LRRC7: variants seen among roughly 807,000 people sequenced by gnomAD.
The protein encoded by LRRC7 is leucine rich repeat containing 7, also known as leucine-rich repeat-containing protein 7.
Under a neutral mutation model 175.7 loss-of-function variants are expected in LRRC7, and 23 were observed. The observed-to-expected ratio is 0.13, with a 90% CI of 0.09 to 0.19. LRRC7 has a LOEUF of 0.19. Ranked by LOEUF, LRRC7 falls within the 10% of genes least tolerant of loss-of-function variation. The pLI, the probability that LRRC7 is intolerant of heterozygous loss-of-function variation, is 1.00. For missense variants in LRRC7, 1,354 were observed against 1,904.7 expected (o/e 0.71, Z 5.38); for synonymous variants, 685 against 680.9 (o/e 1.01, Z -0.09).
chr1:69,878,222 C>T lies in LRRC7; in HGVS notation c.647+39939C>T, dbSNP rs577151522. Among the ~76,000 whole-genome samples the T allele has an allele frequency of 2.3e-4, 35 of 149,726 alleles. 1 individual carries two copies. In the East Asian group the frequency reaches 6.1e-3, roughly 26 times the overall value. On this transcript the variant is annotated intron_variant, in intron 7 of 26. Coordinates refer to ENST00000651989, the MANE Select transcript of LRRC7 (RefSeq NM_001370785.2). ...TTCTAGATACTACAGGTATCACAAG[C>T]TTCATTAGTTTCTTGGAGAAGTAAA...
At chr1:69,660,990 T>C (rs1157167415) in intron 1 of LRRC7, among the ~76,000 whole-genome samples, 3 of 151,958 alleles carry the variant, frequency 2.0e-5, no homozygotes, top group Non-Finnish European at 4.4e-5. Flanking sequence ...AATAACTTAT[T>C]TAGATATGCA....
intron 7 of LRRC7, among the ~76,000 whole-genome samples, chr1:69,855,633 C>G (rs1237442553): frequency 6.6e-6 from 1 of 152,018 alleles, no homozygotes; most frequent in African/African-American, 2.4e-5. Context: ...CTGTAGATGT[C>G]TATTAGGTCT....
chr1:69,678,553 C>T (rs1660087181), intron 2 of LRRC7, 75 bp downstream of exon 2: 1 of 979,386 alleles, frequency 1.0e-6, no homozygotes. Context: ...AAATGAGTGA[C>T]CTTTAAATGG....
intron 21 of LRRC7, among the ~76,000 whole-genome samples, chr1:70,043,673 T>C (rs576507827): frequency 1.3e-5 from 2 of 152,264 alleles, no homozygotes; most frequent in South Asian, 4.1e-4. Context: ...ACTATCACGA[T>C]GTATAAGAGA....
chr1:69,737,259 C>T (rs1400043860), intron 2 of LRRC7, among the ~76,000 whole-genome samples: 1 of 151,988 alleles, frequency 6.6e-6, no homozygotes, highest in African/African-American at 2.4e-5. Context: ...TGAATCATGC[C>T]AATGGGTTTT....
At chr1:70,048,282 G>A (rs2102052513) in intron 22 of LRRC7, among the ~76,000 whole-genome samples, 1 of 152,126 alleles carries the variant, frequency 6.6e-6, no homozygotes, top group African/African-American at 2.4e-5. Flanking sequence ...GTGCTATGAG[G>A]TACTTTAACT....
chr1:70,041,241 T>C (rs1659870224), intron 21 of LRRC7, among the ~76,000 whole-genome samples: 1 of 152,230 alleles, frequency 6.6e-6, no homozygotes, highest in Non-Finnish European at 1.5e-5. Flanking sequence ...GAATTTTACG[T>C]TTACAGGTTT....
intron 1 of LRRC7, among the ~76,000 whole-genome samples, chr1:69,623,929 G>T (rs1453908180): frequency 6.6e-6 from 1 of 152,032 alleles, no homozygotes; most frequent in East Asian, 1.9e-4. Context: ...TTGTTTCTTT[G>T]TTTTTGTAAT....
intron 1 of LRRC7, among the ~76,000 whole-genome samples, chr1:69,673,045 A>G (rs564744031): frequency 2.0e-5 from 3 of 152,328 alleles, no homozygotes; most frequent in Non-Finnish European, 4.4e-5. Context: ...AATGAATTCA[A>G]TGGACTTGTC....
chr1:70,099,423 G>A lies in LRRC7; in HGVS notation c.4546-8329G>A, dbSNP rs569991312. On this transcript the variant is annotated intron_variant, in intron 25 of 26. Coordinates refer to ENST00000651989, the MANE Select transcript of LRRC7 (RefSeq NM_001370785.2). ...TTGAAAACTGGCACAAGACAGGGAT[G>A]CCCTCTCTCACCACTCCTATTCAAC... 2.6e-4 allele frequency among the ~76,000 whole-genome samples: 37 copies of A among 144,758 alleles called. No homozygotes were observed. In the South Asian group the frequency reaches 4.2e-3, roughly 16 times the overall value. The allele number at this position is 144,758 out of a possible 152,430, so 95.0% of individuals were successfully genotyped here. A position where few individuals can be genotyped will look rare whatever the true frequency, so the allele number is the denominator to read the frequency against.
At chr1:69,947,064 T>C (rs188360311) in intron 8 of LRRC7, among the ~76,000 whole-genome samples, 1 of 152,056 alleles carries the variant, frequency 6.6e-6, no homozygotes, top group Admixed American at 6.6e-5. Context: ...GGCAAGATCA[T>C]GCCACTGCAC....
At chr1:69,707,961 C>A (rs1286331294) in intron 2 of LRRC7, among the ~76,000 whole-genome samples, 1 of 152,144 alleles carries the variant, frequency 6.6e-6, no homozygotes, top group Admixed American at 6.6e-5. Context: ...AGAGAGTACT[C>A]ATTTTGCAAA....
chr1:69,993,817 A>G (rs1240255232), intron 10 of LRRC7, among the ~76,000 whole-genome samples: 1 of 152,174 alleles, frequency 6.6e-6, no homozygotes, highest in Admixed American at 6.6e-5. Context: ...AGCCATATCA[A>G]TATTGTAGGT....
intron 1 of LRRC7, among the ~76,000 whole-genome samples, chr1:69,650,073 A>G (rs1245072): frequency 2.0e-5 from 3 of 152,056 alleles, no homozygotes; most frequent in Non-Finnish European, 2.9e-5. Context: ...CTTTCTTCTA[A>G]TGAAACTCAA....
At chr1:69,740,271 C>A (rs561980362) in intron 2 of LRRC7, among the ~76,000 whole-genome samples, 96 of 152,114 alleles carry the variant, frequency 6.3e-4, no homozygotes, top group African/African-American at 2.1e-3. Context: ...ATTCTGAAGC[C>A]TCTTTCCATG....
In LRRC7 at chr1:70,034,674, T is replaced by G. The variant is rs1659120216; in HGVS notation, c.1996-1447T>G. ...GGAATGGAGCCCAGGAGAATCCTGC[T>G]GCAGTGCTGGATCTTCGTCTAATCA... On this transcript the variant is annotated intron_variant, in intron 18 of 26. Coordinates refer to ENST00000651989, the MANE Select transcript of LRRC7 (RefSeq NM_001370785.2). Among the ~76,000 whole-genome samples the G allele has an allele frequency of 2.0e-5, 3 of 152,354 alleles. No homozygotes were observed. In the South Asian group the frequency reaches 6.2e-4, roughly 32 times the overall value.
At chr1:69,910,623 C>G (rs1437898660) in intron 7 of LRRC7, among the ~76,000 whole-genome samples, 1 of 152,192 alleles carries the variant, frequency 6.6e-6, no homozygotes, top group Non-Finnish European at 1.5e-5. Flanking sequence ...TGGGAGGTGC[C>G]TCCCAGTTAG....
intron 25 of LRRC7, among the ~76,000 whole-genome samples, chr1:70,098,308 C>T (rs12062097): frequency 0.018 from 2,659 of 151,800 alleles, 77 homozygotes; most frequent in African/African-American, 0.061. Flanking sequence ...ATCTCTGGGA[C>T]GCATTCAAAG....
rs774860323 is a variant in LRRC7, at chr1:69,994,531, T to C, written c.932-30T>C. Reference sequence around the variant, plus strand: ...CATTTCCTGTCATAATCTGCTCTTATGTATTAATCAACCTTCTTCTCTGCT... The same window carrying C: ...CATTTCCTGTCATAATCTGCTCTTACGTATTAATCAACCTTCTTCTCTGCT... On this transcript the variant is annotated intron_variant, in intron 10 of 26. Transcript: ENST00000651989. 16 of 1,394,842 alleles carry C rather than the reference T, an allele frequency of 1.1e-5. No individual in the cohort carries two copies. In the East Asian group the frequency reaches 3.0e-4, roughly 26 times the overall value. 86.4% of individuals were successfully genotyped at this position (1,394,842 alleles called of 1,614,324 possible). A position where few individuals can be genotyped will look rare whatever the true frequency, so the allele number is the denominator to read the frequency against.
Sources: gnomAD v4.1 joint callset for allele counts (sites outside exome capture counted in the v4.1 genomes callset) on GRCh38, gnomAD v4.1.1 for gene constraint, MANE v1.5 for transcripts, NCBI Gene and HGNC (gene_info 2026-07-23, HGNC 2026-07-21) for gene names.